The following TXNDC16 variants were observed in gnomAD, a reference collection of about 807,000 sequenced individuals.
TXNDC16 encodes thioredoxin domain-containing protein 16.
TXNDC16 carries 74 observed loss-of-function variants against 85.6 expected under a neutral mutation model. That is an observed-to-expected ratio of 0.86 (90% CI 0.72 to 1.05). The LOEUF is 1.05. TXNDC16 is among the 50% of genes least tolerant of loss of function. The probability of loss-of-function intolerance (pLI) is 0.00; values close to 1 mark genes in which losing one functional copy is unlikely to be tolerated. For missense variants in TXNDC16, 959 were observed against 947.0 expected (o/e 1.01, Z -0.17); for synonymous variants, 335 against 326.5 (o/e 1.03, Z -0.28).
chr14:52,464,951 T>C (rs904324467), intron 16 of TXNDC16, among the ~76,000 whole-genome samples: 2 of 151,744 alleles, frequency 1.3e-5, no homozygotes, highest in Admixed American at 6.6e-5. Context: ...TCAAAAAAAA[T>C]AAAAAATATA....
At chr14:52,514,766 T>C in intron 8 of TXNDC16, 114 bp downstream of exon 8, 1 of 710,296 alleles carries the variant, frequency 1.4e-6, no homozygotes, top group East Asian at 2.5e-5. Flanking sequence ...TCTGCTATGG[T>C]TCCTTTATCT....
Position 52,491,013 on chromosome 14 carries a change from GAAAAAAAA to G in TXNDC16, c.757-16_757-9del. ...ATCTTCAGCAACTTCAGTCTTCATT[GAAAAAAAA>G]AAAAAAAAAAGGTGTGATAACAATA... is the stretch of plus-strand genomic sequence containing the variant. On this transcript the variant is annotated splice_polypyrimidine_tract_variant and intron_variant, in intron 9 of 20. Coordinates refer to ENST00000281741, the MANE Select transcript of TXNDC16 (RefSeq NM_020784.3). 8.4e-7 allele frequency: 1 copy of G among 1,194,766 alleles called. No homozygotes were observed. The highest frequency in any genetic ancestry group is 1.1e-6 in the Non-Finnish European group (1 of 935,120). 74.0% of individuals were successfully genotyped at this position (1,194,766 alleles called of 1,614,324 possible). A position where few individuals can be genotyped will look rare whatever the true frequency, so the allele number is the denominator to read the frequency against.
At chr14:52,502,045 T>C (rs1311600994) in intron 9 of TXNDC16, among the ~76,000 whole-genome samples, 13 of 152,232 alleles carry the variant, frequency 8.5e-5, no homozygotes, top group Non-Finnish European at 1.6e-4. Context: ...CACGAATCTG[T>C]GCTTCTAGGC....
At chr14:52,491,740 A>G (rs1449348105) in intron 9 of TXNDC16, among the ~76,000 whole-genome samples, 3 of 152,218 alleles carry the variant, frequency 2.0e-5, no homozygotes, top group Non-Finnish European at 2.9e-5. Context: ...GTAGCAAATT[A>G]AATACACACA....
rs745546130 is a variant in TXNDC16, at chr14:52,543,609, G to A, written c.-52C>T. 2 of 1,594,140 alleles carry A rather than the reference G, an allele frequency of 1.3e-6. No homozygotes were observed. The highest frequency in any genetic ancestry group is 2.3e-5 in the East Asian group (1 of 44,398). ...ATTTTGTCTGTTTTTTCACTGCTGT[G>A]TTCTGTTTCCTAAGACAACACCTGG... On this transcript the variant is annotated 5_prime_UTR_variant, in exon 3 of 21. Transcript: ENST00000281741.
At chr14:52,474,963 G>A (rs2035987778) in intron 14 of TXNDC16, among the ~76,000 whole-genome samples, 1 of 152,152 alleles carries the variant, frequency 6.6e-6, no homozygotes, top group South Asian at 2.1e-4. Flanking sequence ...TGCAGGACCT[G>A]GGAGACACCC....
At chr14:52,507,082 G>A (rs539780916) in intron 9 of TXNDC16, among the ~76,000 whole-genome samples, 5 of 152,040 alleles carry the variant, frequency 3.3e-5, no homozygotes, top group Admixed American at 6.6e-5. Flanking sequence ...GGAAAGAGAA[G>A]GAAATAAAGG....
intron 18 of TXNDC16, among the ~76,000 whole-genome samples, chr14:52,443,669 G>GT (rs2035215383): frequency 1.3e-5 from 2 of 152,360 alleles, no homozygotes; most frequent in African/African-American, 4.8e-5. Context: ...AAATATGGCT[G>GT]TGAGACCAGA....
chr14:52,472,799 C>G (rs867000202), intron 14 of TXNDC16, among the ~76,000 whole-genome samples: 3 of 151,902 alleles, frequency 2.0e-5, no homozygotes, highest in African/African-American at 7.3e-5. Flanking sequence ...ATGGGGAGTC[C>G]TCGGTAAGGT....
intron 16 of TXNDC16, among the ~76,000 whole-genome samples, chr14:52,467,560 C>G (rs1197839672): frequency 6.6e-6 from 1 of 152,162 alleles, no homozygotes; most frequent in African/African-American, 2.4e-5. Flanking sequence ...ACCTCACACC[C>G]ATTAAGATGG....
At chr14:52,503,942 A>G (rs2036725312) in intron 9 of TXNDC16, among the ~76,000 whole-genome samples, 1 of 152,254 alleles carries the variant, frequency 6.6e-6, no homozygotes, top group African/African-American at 2.4e-5. Context: ...AAGCCTCAGT[A>G]GCTGACTCAA....
chr14:52,461,991 G>A (rs752156611), intron 16 of TXNDC16, among the ~76,000 whole-genome samples: 2 of 152,112 alleles, frequency 1.3e-5, no homozygotes, highest in African/African-American at 2.4e-5. Flanking sequence ...AGTAGATCCA[G>A]GCAAAAATAT....
chr14:52,438,895 AG>A (rs1357101760), intron 20 of TXNDC16, among the ~76,000 whole-genome samples: 31 of 152,222 alleles, frequency 2.0e-4, no homozygotes, highest in Admixed American at 2.0e-3. Context: ...ATGCTTTGGT[AG>A]GCCAAAGCTC....
chr14:52,544,765 G>A (rs1185942796), intron 1 of TXNDC16, among the ~76,000 whole-genome samples: 4 of 151,818 alleles, frequency 2.6e-5, no homozygotes, highest in Non-Finnish European at 5.9e-5. Flanking sequence ...TTCAGAGGCA[G>A]TATATATCAA....
intron 12 of TXNDC16, among the ~76,000 whole-genome samples, chr14:52,487,947 C>T (rs769630408): frequency 5.3e-5 from 8 of 152,142 alleles, no homozygotes; most frequent in Admixed American, 6.5e-5. Context: ...ACTTCTTATA[C>T]CATTAACAAC....
chr14:52,457,006 A>AAG, intron 17 of TXNDC16, 84 bp downstream of exon 17: 3 of 955,148 alleles, frequency 3.1e-6, no homozygotes, highest in Non-Finnish European at 4.8e-6. Context: ...TTCCTCCATC[A>AAG]GCTGTGTAAA....
intron 19 of TXNDC16, 67 bp from the exon 20 acceptor site, chr14:52,439,461 C>T (rs2249925): frequency 0.44 from 618,562 of 1,405,416 alleles, 141,193 homozygotes; most frequent in East Asian, 0.71. Context: ...AATAGTAATT[C>T]GTAGAACATT....
intron 12 of TXNDC16, among the ~76,000 whole-genome samples, chr14:52,486,133 C>T (rs143326752): frequency 1.2e-4 from 18 of 151,924 alleles, no homozygotes; most frequent in African/African-American, 4.3e-4. Context: ...TTTTCATTTT[C>T]CTGTCAGTCT....
intron 9 of TXNDC16, among the ~76,000 whole-genome samples, chr14:52,497,328 G>C (rs1287699203): frequency 1.3e-5 from 2 of 152,020 alleles, no homozygotes; most frequent in Non-Finnish European, 2.9e-5. Flanking sequence ...AATTAAATCA[G>C]TAATCAAAAA....
Sources: gnomAD v4.1 joint callset for allele counts (sites outside exome capture counted in the v4.1 genomes callset) on GRCh38, gnomAD v4.1.1 for gene constraint, MANE v1.5 for transcripts, NCBI Gene and HGNC (gene_info 2026-07-23, HGNC 2026-07-21) for gene names.